Variants in NLRP4 observed in about 807,000 individuals in gnomAD.
NLRP4 encodes NLR family pyrin domain containing 4.
In NLRP4, 44 loss-of-function variants were observed where a neutral mutation model predicts 84.7. That is an observed-to-expected ratio of 0.52 (90% CI 0.41 to 0.67). NLRP4 has a LOEUF of 0.67. NLRP4 is among the 30% of genes least tolerant of loss of function. The pLI is 0.00. For missense variants in NLRP4, 1,260 were observed against 1,219.4 expected, an observed-to-expected ratio of 1.03 and a Z score of -0.50; for synonymous variants, 544 against 476.4, an observed-to-expected ratio of 1.14 and a Z score of -1.85.
intron 5 of NLRP4, among the ~76,000 whole-genome samples, chr19:55,865,754 G>C (rs989162719): frequency 6.6e-6 from 1 of 152,044 alleles, no homozygotes; most frequent in Non-Finnish European, 1.5e-5. Context: ...CAACACCTTT[G>C]CACATTTTTA....
intron 7 of NLRP4, among the ~76,000 whole-genome samples, chr19:55,873,864 A>G (rs1039188253): frequency 1.3e-5 from 2 of 152,206 alleles, no homozygotes; most frequent in African/African-American, 4.8e-5. Flanking sequence ...AATGGAAATT[A>G]GAACATATGT....
intron 5 of NLRP4, among the ~76,000 whole-genome samples, chr19:55,867,275 G>A (rs1314403480): frequency 6.6e-6 from 1 of 150,972 alleles, no homozygotes; most frequent in African/African-American, 2.4e-5. Flanking sequence ...CAGGTTGGCT[G>A]TCTCTGTACC....
intron 7 of NLRP4, among the ~76,000 whole-genome samples, chr19:55,872,539 AT>A (rs1985224614): frequency 6.6e-6 from 1 of 152,226 alleles, no homozygotes; most frequent in Non-Finnish European, 1.5e-5. Context: ...AAATGAGCAA[AT>A]AATACAACTA....
At chr19:55,851,914 C>A in intron 1 of NLRP4, 102 bp from the exon 2 acceptor site, 1 of 576,810 alleles carries the variant, frequency 1.7e-6, no homozygotes. Flanking sequence ...AAATAACTTT[C>A]CGCCTTCATT....
chr19:55,857,539 G>C, intron 2 of NLRP4, 135 bp from the exon 3 acceptor site: 1 of 689,230 alleles, frequency 1.5e-6, no homozygotes, highest in Non-Finnish European at 2.4e-6. Context: ...ATTTACAAGA[G>C]GAGACTGACC....
intron 5 of NLRP4, among the ~76,000 whole-genome samples, chr19:55,864,269 T>C (rs1984870840): frequency 6.6e-6 from 1 of 152,220 alleles, no homozygotes; most frequent in South Asian, 2.1e-4. Context: ...TAACATACTT[T>C]CAGTCCTATT....
At chr19:55,856,972 G>A (rs1464131175) in intron 2 of NLRP4, among the ~76,000 whole-genome samples, 1 of 152,134 alleles carries the variant, frequency 6.6e-6, no homozygotes, top group South Asian at 2.1e-4. Context: ...TCCTTTTTAG[G>A]TGGACTTTCA....
At chr19:55,850,771 GAGGCTGCGGTGTAAT>G (rs1984077821) in intron 1 of NLRP4, among the ~76,000 whole-genome samples, 1 of 134,542 alleles carries the variant, frequency 7.4e-6, no homozygotes, top group Non-Finnish European at 1.5e-5. Context: ...TGTAATTTCC[GAGGCTGCGGTGTAAT>G]TCCCGAGGCT....
At chr19:55,851,451 GTGGCTGCGGTGT>G (rs1984134791) in intron 1 of NLRP4, among the ~76,000 whole-genome samples, 1 of 33,796 alleles carries the variant, frequency 3.0e-5, no homozygotes, top group Non-Finnish European at 4.4e-5. Context: ...TGTAATGTCC[GTGGCTGCGGTGT>G]AATGTCCGAG....
intron 1 of NLRP4, among the ~76,000 whole-genome samples, chr19:55,841,851 C>T (rs894669508): frequency 7.2e-5 from 11 of 152,038 alleles, no homozygotes; most frequent in South Asian, 6.2e-4. Flanking sequence ...GGTGATAGTG[C>T]GAGACTCTGT....
chr19:55,880,157 A>C (rs1985532985), intron 9 of NLRP4, among the ~76,000 whole-genome samples: 1 of 129,126 alleles, frequency 7.7e-6, no homozygotes, highest in South Asian at 2.7e-4. Context: ...TCTAACGCTA[A>C]AGAACATTCA....
intron 1 of NLRP4, among the ~76,000 whole-genome samples, chr19:55,839,323 T>G (rs1645328225): frequency 8.3e-6 from 1 of 120,494 alleles, no homozygotes; most frequent in African/African-American, 3.3e-5. Flanking sequence ...GTGTGTGTGC[T>G]CTTTCACACA....
intron 5 of NLRP4, among the ~76,000 whole-genome samples, chr19:55,862,731 G>A (rs1031510553): frequency 1.3e-5 from 2 of 150,840 alleles, no homozygotes; most frequent in South Asian, 2.1e-4. Flanking sequence ...AGACTATAGC[G>A]TAAGTCTCTG....
In NLRP4 at chr19:55,858,562, C is replaced by T. The variant is rs17857374; in HGVS notation, c.1169C>T (p.Pro390Leu). The change falls in exon 3 of 10, where the codon CCG (proline) becomes CTG (leucine). Residue 390 changes from proline (P) to leucine (L), a missense_variant. Pro to Leu is a moderately conservative substitution (Grantham distance 98). Transcript: ENST00000301295. The surrounding 1 kb of genome is among the most constrained non-coding windows in gnomAD (Gnocchi z 4.2). The part of the protein sequence containing the change: ...FTPEGAEGPT[P>L]QTQHQLKALC... ...CCTGAGGGTGCCGAGGGCCCGACTC[C>T]GCAAACCCAGCACCAGCTGAAGGCC... 5.2e-4 allele frequency: 833 copies of T among 1,614,094 alleles called. 9 individuals are homozygous for T. The African/African-American group carries it at 9.3e-3, about 18-fold the overall frequency.
In NLRP4 at chr19:55,870,941, A is replaced by G; in HGVS notation, c.2469A>G (p.Gly823=). 2 of 1,614,130 alleles carry G rather than the reference A, an allele frequency of 1.2e-6. No individual in the cohort carries two copies. Among genetic ancestry groups the G allele is most frequent in the East Asian group, 2.2e-5 (1 of 44,878 alleles). Residue 823 remains glycine, a synonymous_variant, in exon 7 of 10, where the codon GGA becomes GGG. Transcript: ENST00000301295. ...DLSANVLKDE[G]LKTLCEALKH... Reference sequence around the variant, plus strand: ...GTGCCAATGTCCTGAAGGACGAAGGACTGAAAACTCTCTGCGAGGCCTTGA... The same window carrying G: ...GTGCCAATGTCCTGAAGGACGAAGGGCTGAAAACTCTCTGCGAGGCCTTGA...
chr19:55,836,833 G>A lies in NLRP4; in HGVS notation c.-167G>A, dbSNP rs1329501754. ...GGAGGTGGGGGAGACTCGTCACGAA[G>A]GGAGACCTTGGAGCTTCGAGGGTGG... On this transcript the variant is annotated 5_prime_UTR_variant, in exon 1 of 10. Coordinates refer to ENST00000301295, the MANE Select transcript of NLRP4 (RefSeq NM_134444.5). 1 of 152,080 alleles carries A rather than the reference G, an allele frequency of 6.6e-6. No homozygotes were observed. Among genetic ancestry groups the A allele is most frequent in the East Asian group, 1.9e-4 (1 of 5,170 alleles). The allele number at this position is 152,080 out of a possible 1,614,324, so 9.4% of individuals were successfully genotyped here. A position where few individuals can be genotyped will look rare whatever the true frequency, so the allele number is the denominator to read the frequency against.
chr19:55,852,994 T>G (rs1158064874), intron 2 of NLRP4, among the ~76,000 whole-genome samples: 1 of 152,214 alleles, frequency 6.6e-6, no homozygotes, highest in Non-Finnish European at 1.5e-5. Context: ...GCAAGAGCAA[T>G]TAACACCTGC....
chr19:55,855,842 G>GTA, intron 2 of NLRP4, among the ~76,000 whole-genome samples: 1 of 152,342 alleles, frequency 6.6e-6, no homozygotes, highest in East Asian at 1.9e-4. Flanking sequence ...AAGAACTATA[G>GTA]TATCAGGGAG....
rs200294507 is a variant in NLRP4, at chr19:55,858,849, G to C, written c.1456G>C (p.Ala486Pro). Reference sequence around the variant, plus strand: ...GAGATGTGTACAGGAATTGCTAGTTGCCAATTTTGAAAAAGCAAGGAGAGC... The same window carrying C: ...GAGATGTGTACAGGAATTGCTAGTTCCCAATTTTGAAAAAGCAAGGAGAGC... ...AVRCVQELLV[A>P]NFEKARRAHW... is the part of the protein sequence containing the mutation. The change falls in exon 3 of 10, where the codon GCC becomes CCC. Residue 486 changes from alanine (A) to proline (P), a missense_variant. Physicochemically the swap from Ala to Pro is conservative, Grantham distance 27. Coordinates refer to ENST00000301295, the MANE Select transcript of NLRP4 (RefSeq NM_134444.5). This position sits in a 1 kb window ranked among gnomAD's most constrained non-coding sequence, Gnocchi z 4.2. 6.1e-5 allele frequency: 98 copies of C among 1,614,020 alleles called. No individual in the cohort carries two copies. Among genetic ancestry groups the C allele is most frequent in the Non-Finnish European group, 8.0e-5 (94 of 1,179,994 alleles).
Sources: allele counts gnomAD v4.1 joint callset (sites outside exome capture counted in the v4.1 genomes callset), GRCh38; gene constraint gnomAD v4.1.1; non-coding constraint Gnocchi (gnomAD v3.1); transcripts MANE v1.5; gene names NCBI Gene and HGNC (gene_info 2026-07-23, HGNC 2026-07-21).